SND1: variants seen among roughly 807,000 people sequenced by gnomAD.
SND1 encodes staphylococcal nuclease domain-containing protein 1.
SND1 carries 38 observed loss-of-function variants against 121.7 expected under a neutral mutation model. The observed-to-expected ratio is 0.31, with a 90% CI of 0.24 to 0.41. SND1 has a LOEUF of 0.41. SND1 is among the 10% of genes least tolerant of loss of function. SND1 has a pLI of 1.00. For synonymous variants in SND1, 401 were observed against 447.4 expected (o/e 0.90, Z 1.31); for missense variants, 868 against 1,184.6 (o/e 0.73, Z 3.92).
chr7:128,056,353 G>GATACTAT (rs1357515663), intron 16 of SND1, among the ~76,000 whole-genome samples: 1 of 152,236 alleles, frequency 6.6e-6, no homozygotes. Context: ...CTTTGCCCCA[G>GATACTAT]ATACTATATG....
chr7:127,887,854 G>T, intron 12 of SND1, 48 bp from the exon 13 acceptor site: 1 of 1,228,702 alleles, frequency 8.1e-7, no homozygotes. Flanking sequence ...TGTTGACTGA[G>T]CCCCATATGC....
At chr7:128,079,465 T>TC (rs1381926840) in intron 17 of SND1, among the ~76,000 whole-genome samples, 1 of 152,204 alleles carries the variant, frequency 6.6e-6, no homozygotes, top group Non-Finnish European at 1.5e-5. Flanking sequence ...TGTTAGGGTA[T>TC]CAGGAGCCTG....
intron 9 of SND1, among the ~76,000 whole-genome samples, chr7:127,714,554 C>T (rs566573882): frequency 1.3e-5 from 2 of 152,126 alleles, no homozygotes; most frequent in African/African-American, 2.4e-5. Context: ...TATTTATATT[C>T]ATATTGCTAT....
intron 12 of SND1, among the ~76,000 whole-genome samples, chr7:127,854,363 A>T (rs1378225237): frequency 6.6e-6 from 1 of 152,050 alleles, no homozygotes; most frequent in African/African-American, 2.4e-5. Flanking sequence ...TCCTGACCTT[A>T]AGTGATCTGC....
At chr7:127,960,559 G>C (rs772844020) in intron 15 of SND1, among the ~76,000 whole-genome samples, 3 of 152,204 alleles carry the variant, frequency 2.0e-5, no homozygotes, top group Non-Finnish European at 1.5e-5. Context: ...CTGAGGTTAA[G>C]TAATGATGAA....
intron 16 of SND1, chr7:128,030,251 C>A (rs764268218): frequency 1.9e-6 from 3 of 1,614,240 alleles, no homozygotes; most frequent in South Asian, 2.2e-5. Flanking sequence ...AGTTGTCGAA[C>A]AGCTCCAGGG....
intron 1 of SND1, among the ~76,000 whole-genome samples, chr7:127,675,303 C>G (rs531833563): frequency 6.6e-6 from 1 of 152,134 alleles, no homozygotes; most frequent in South Asian, 2.1e-4. Flanking sequence ...TTCCTTTTTC[C>G]CATCAGAATG....
Position 127,759,690 on chromosome 7 carries a change from CGT to C in SND1, c.1152+38291_1152+38292del, listed in dbSNP as rs1584552381. Among the ~76,000 whole-genome samples, 5 of 134,404 alleles carry C rather than the reference CGT, an allele frequency of 3.7e-5. No individual in the cohort carries two copies. In the South Asian group the frequency reaches 1.3e-3, roughly 34 times the overall value. 88.2% of individuals were successfully genotyped at this position (134,404 alleles called of 152,430 possible). On this transcript the variant is annotated intron_variant, in intron 10 of 23. Coordinates refer to ENST00000354725, the MANE Select transcript of SND1 (RefSeq NM_014390.4). The stretch of plus-strand genomic sequence containing the variant: ...ATACATAGGGGCATATACATCCATA[CGT>C]ATATTTATGTCTGTATGTATTTCTG...
At chr7:127,688,975 A>G (rs953457220) in intron 2 of SND1, among the ~76,000 whole-genome samples, 2 of 152,254 alleles carry the variant, frequency 1.3e-5, no homozygotes, top group African/African-American at 2.4e-5. Context: ...TATAGATAAT[A>G]GAGATAGAGA....
intron 14 of SND1, among the ~76,000 whole-genome samples, chr7:127,910,915 G>T (rs1053277633): frequency 6.6e-6 from 1 of 152,186 alleles, no homozygotes; most frequent in African/African-American, 2.4e-5. Flanking sequence ...TGGCTCCACT[G>T]CTGGGCTCTG....
At chr7:127,774,478 G>A (rs1014054511) in intron 10 of SND1, among the ~76,000 whole-genome samples, 1 of 152,038 alleles carries the variant, frequency 6.6e-6, no homozygotes, top group Non-Finnish European at 1.5e-5. Context: ...TTCACTCACC[G>A]CTGTCTCACT....
intron 10 of SND1, among the ~76,000 whole-genome samples, chr7:127,789,334 A>G (rs891132134): frequency 2.0e-5 from 3 of 152,190 alleles, no homozygotes; most frequent in Non-Finnish European, 2.9e-5. Context: ...CCTTAGTTAC[A>G]CTCAAATCGA....
At chr7:127,972,902 G>A (rs1157638659) in intron 15 of SND1, among the ~76,000 whole-genome samples, 3 of 152,210 alleles carry the variant, frequency 2.0e-5, no homozygotes, top group Admixed American at 2.0e-4. Context: ...TGTTGTCTAT[G>A]AGATTCATCC....
At chr7:127,760,990 C>T (rs908146834) in intron 10 of SND1, among the ~76,000 whole-genome samples, 1 of 152,040 alleles carries the variant, frequency 6.6e-6, no homozygotes. Flanking sequence ...ACATTTAAAC[C>T]GTATAAAAAG....
chr7:128,028,950 C>T (rs767071839), intron 16 of SND1: 7 of 1,607,778 alleles, frequency 4.4e-6, no homozygotes, highest in Non-Finnish European at 3.4e-6. Context: ...CTCAACAGTC[C>T]GGGCGGCTGT....
intron 15 of SND1, among the ~76,000 whole-genome samples, chr7:127,957,451 T>C (rs1801620941): frequency 6.6e-6 from 1 of 152,196 alleles, no homozygotes; most frequent in African/African-American, 2.4e-5. Flanking sequence ...TGCCATCCTA[T>C]TGATTCAAAA....
intron 12 of SND1, among the ~76,000 whole-genome samples, chr7:127,846,366 A>G (rs1799062257): frequency 6.6e-6 from 1 of 152,184 alleles, no homozygotes; most frequent in South Asian, 2.1e-4. Flanking sequence ...CTTGGATTAG[A>G]CCAGCCTGGC....
intron 11 of SND1, among the ~76,000 whole-genome samples, chr7:127,841,838 G>A (rs1025300347): frequency 1.4e-4 from 21 of 152,142 alleles, no homozygotes; most frequent in African/African-American, 5.1e-4. Context: ...TAGTTGTTAA[G>A]ACCTTGCAAT....
intron 12 of SND1, among the ~76,000 whole-genome samples, chr7:127,856,967 G>A (rs1167271530): frequency 6.6e-6 from 1 of 152,088 alleles, no homozygotes; most frequent in Non-Finnish European, 1.5e-5. Flanking sequence ...GCTGTGGAAA[G>A]ATCAGATCAT....
Sources: gnomAD v4.1 joint callset for allele counts (sites outside exome capture counted in the v4.1 genomes callset) on GRCh38, gnomAD v4.1.1 for gene constraint, MANE v1.5 for transcripts, NCBI Gene and HGNC (gene_info 2026-07-23, HGNC 2026-07-21) for gene names.